The following ZP2 variants were observed in gnomAD, a reference collection of about 807,000 sequenced individuals.
ZP2 encodes zona pellucida glycoprotein 2.
Under a neutral mutation model 84.0 loss-of-function variants are expected in ZP2, and 51 were observed. The ratio of observed to expected loss-of-function variants is 0.61; its 90% confidence interval spans 0.49 to 0.77. The LOEUF is 0.77. Among genes scored for constraint, ZP2 ranks in the 30% least tolerant of loss-of-function variants. The pLI, the probability that ZP2 is intolerant of heterozygous loss-of-function variation, is 0.00. For missense variants in ZP2, 909 were observed against 911.9 expected (o/e 1.00, Z 0.04); for synonymous variants, 375 against 330.9 (o/e 1.13, Z -1.45).
At chr16:21,210,415 A>G (rs562941195) in intron 2 of ZP2, among the ~76,000 whole-genome samples, 32 of 152,160 alleles carry the variant, frequency 2.1e-4, no homozygotes, top group Non-Finnish European at 3.4e-4. Flanking sequence ...TGTTCCAGTA[A>G]GAAGCCCAGG....
In ZP2 at chr16:21,211,351, C is replaced by A. The variant is rs2075520; in HGVS notation, c.107G>T (p.Gly36Val). 495,467 of 1,613,558 alleles carry A rather than the reference C, an allele frequency of 0.31. 82,393 individuals carry two copies. Among genetic ancestry groups the A allele is most frequent in the African/African-American group, 0.61 (46,019 of 74,902 alleles). ...ISLFFALVTS[G>V]NSIDVSQLVN... ...CAACTGAGAAACATCTATGGAGTTC[C>A]CTGAAGTCACAAGGGCGAAGAAGAG... The change falls in exon 2 of 19, where the codon GGG (glycine) becomes GTG (valine). Residue 36 changes from glycine (G) to valine (V), a missense_variant. Physicochemically the swap from Gly to Val is moderately radical, Grantham distance 109. Coordinates refer to ENST00000574091, the MANE Select transcript of ZP2 (RefSeq NM_001376232.1).
Position 21,203,131 on chromosome 16 carries a change from A to T in ZP2, c.1093T>A (p.Ser365Thr), listed in dbSNP as rs776120114. The change falls in exon 10 of 19, where the codon TCT becomes ACT. Residue 365 changes from serine (S) to threonine (T), a missense_variant. Physicochemically the swap from Ser to Thr is moderately conservative, Grantham distance 58 (BLOSUM62 1). Coordinates refer to ENST00000574091, the MANE Select transcript of ZP2 (RefSeq NM_001376232.1). ...YPECLCESPV[S>T]IVTGELCTQD... ...TTTAATAAAAGGTCTTTACCTATAG[A>T]AACGGGTGACTCACAGAGACACTCA... 3 of 1,613,510 alleles carry T rather than the reference A, an allele frequency of 1.9e-6. No individual in the cohort carries two copies. The highest frequency in any genetic ancestry group is 2.5e-6 in the Non-Finnish European group (3 of 1,179,766).
intron 17 of ZP2, among the ~76,000 whole-genome samples, chr16:21,198,275 A>T (rs1036246412): frequency 6.6e-6 from 1 of 152,004 alleles, no homozygotes; most frequent in Non-Finnish European, 1.5e-5. Flanking sequence ...GGTGCCTGTA[A>T]TCCCTGATAC....
chr16:21,203,170 T>A lies in ZP2; in HGVS notation c.1054A>T (p.Met352Leu). 6.2e-7 allele frequency: 1 copy of A among 1,613,988 alleles called. No individual in the cohort carries two copies. Residue 352 changes from methionine to leucine, a missense_variant, in exon 10 of 19, where the codon ATG becomes TTG. Coordinates refer to ENST00000574091, the MANE Select transcript of ZP2 (RefSeq NM_001376232.1). The part of the protein sequence containing the change: ...TFLLRPETVS[M>L]VIYPECLCES... ...CAGAGACACTCAGGATAGATCACCA[T>A]GGATACTGTCTCTGGCCGAAGGAGA...
In ZP2 at chr16:21,201,781, T is replaced by TG. The variant is rs1231847504; in HGVS notation, c.1428dup (p.Asn477GlnfsTer3). ...ACTGGAGGAGTAAGGCTTTCAACGT[T>TG]GATGTTTAGTAGCATGTCATTCCTG... On this transcript the variant is annotated frameshift_variant, in exon 13 of 19. Transcript: ENST00000574091. LOFTEE classifies it high-confidence loss of function. 1 of 1,614,058 alleles carries TG rather than the reference T, an allele frequency of 6.2e-7. No individual in the cohort carries two copies. Among genetic ancestry groups the TG allele is most frequent in the African/African-American group, 1.3e-5 (1 of 74,914 alleles).
intron 5 of ZP2, 52 bp downstream of exon 5, chr16:21,206,786 T>C: frequency 6.2e-7 from 1 of 1,609,564 alleles, no homozygotes; most frequent in Middle Eastern, 1.7e-4. Context: ...ATCATCATCA[T>C]ATTCCCCCTG....
intron 14 of ZP2, 28 bp from the exon 15 acceptor site, chr16:21,199,906 T>G: frequency 1.2e-6 from 2 of 1,611,528 alleles, no homozygotes; most frequent in Non-Finnish European, 1.7e-6. Context: ...GGGAGGGATG[T>G]CAGTCATATG....
chr16:21,197,727 A>G (rs760262640), intron 18 of ZP2, 39 bp downstream of exon 18: 1 of 1,613,534 alleles, frequency 6.2e-7, no homozygotes. Flanking sequence ...AGCCTTCAAC[A>G]GGCTTATTTC....
chr16:21,209,723 G>A lies in ZP2; in HGVS notation c.238C>T (p.Pro80Ser). 1 of 1,614,082 alleles carries A rather than the reference G, an allele frequency of 6.2e-7. No homozygotes were observed. The highest frequency in any genetic ancestry group is 8.5e-7 in the Non-Finnish European group (1 of 1,179,976). The change falls in exon 4 of 19, where the codon CCT (proline) becomes TCT (serine). Residue 80 changes from proline (P) to serine (S), a missense_variant and splice_region_variant. Physicochemically the swap from Pro to Ser is moderately conservative, Grantham distance 74. Coordinates refer to ENST00000574091, the MANE Select transcript of ZP2 (RefSeq NM_001376232.1). ...TKKWHASVVD[P>S]LGLDMPNCTY... ...CAGTTCGGCATGTCGAGACCAAGAG[G>A]ATCTGCCAAGGCCAGAGCAGGTTAG... is the stretch of plus-strand genomic sequence containing the variant.
chr16:21,210,796 A>G (rs1269176543), intron 2 of ZP2, among the ~76,000 whole-genome samples: 1 of 151,818 alleles, frequency 6.6e-6, no homozygotes, highest in Non-Finnish European at 1.5e-5. Flanking sequence ...GCTGGTCTCA[A>G]ACTCCTGAGC....
upstream of ZP2, among the ~76,000 whole-genome samples, chr16:21,213,959 G>C (rs1467566126): frequency 2.0e-5 from 3 of 151,892 alleles, no homozygotes; most frequent in Admixed American, 1.3e-4. Context: ...GGTGGTCAGA[G>C]AAGTGATGGG....
rs2093226687 is a variant in ZP2 at position 21,201,795 on chromosome 16, A to G, written c.1415T>C (p.Met472Thr). ...GCTTTCAACGTTGATGTTTAGTAGC[A>G]TGTCATTCCTGCTATAAGAACACTT... is the stretch of plus-strand genomic sequence containing the variant. ...TVKCSYSRNDMLLNINVESLT... is the reference protein window; with the variant it reads ...TVKCSYSRNDTLLNINVESLT... Residue 472 changes from methionine (M) to threonine (T), a missense_variant, in exon 13 of 19, where the codon ATG becomes ACG. Coordinates refer to ENST00000574091, the MANE Select transcript of ZP2 (RefSeq NM_001376232.1). The G allele has an allele frequency of 3.1e-6, 5 of 1,614,148 alleles. No homozygotes were observed. Among genetic ancestry groups the G allele is most frequent in the Non-Finnish European group, 4.2e-6 (5 of 1,180,016 alleles).
intron 9 of ZP2, among the ~76,000 whole-genome samples, 174 bp from the exon 10 acceptor site, chr16:21,203,425 C>T (rs937468160): frequency 6.6e-6 from 1 of 152,064 alleles, no homozygotes; most frequent in Admixed American, 6.6e-5. Flanking sequence ...GGATGTATCC[C>T]CAGGCAGATT....
intron 3 of ZP2, 35 bp downstream of exon 3, chr16:21,210,074 A>C (rs777187556): frequency 3.1e-5 from 50 of 1,589,580 alleles, no homozygotes; most frequent in Non-Finnish European, 4.3e-5. Context: ...CTGTCTGCTA[A>C]TCAGGACTAT....
At position 21,201,383 on chromosome 16, in the gene ZP2, G is replaced by C. The variant is rs367625701; in HGVS notation, c.1680C>G (p.Asn560Lys). Reference sequence around the variant, plus strand: ...GGAGTACCTACCCATCCACGACAACGTTCCACTGGGGGAAAGAGTCTGGAT... The same window carrying C: ...GGAGTACCTACCCATCCACGACAACCTTCCACTGGGGGAAAGAGTCTGGAT... ...TMDPDSFPQW[N>K]VVVDGCAYDL... Residue 560 changes from asparagine to lysine, a missense_variant, in exon 14 of 19, where the codon AAC becomes AAG. Asn to Lys is a moderately conservative substitution (Grantham distance 94, BLOSUM62 0). Transcript: ENST00000574091. 5 of 1,580,594 alleles carry C rather than the reference G, an allele frequency of 3.2e-6. No homozygotes were observed. In the East Asian group the frequency reaches 1.1e-4, roughly 36 times the overall value.
At chr16:21,201,242 G>T in intron 14 of ZP2, 127 bp downstream of exon 14, 1 of 789,290 alleles carries the variant, frequency 1.3e-6, no homozygotes, top group Non-Finnish European at 1.8e-6. Flanking sequence ...GTCCCAATTA[G>T]AAAACAAGGA....
At chr16:21,204,001 G>A (rs1171183141) in intron 9 of ZP2, 29 bp downstream of exon 9, 2 of 1,607,594 alleles carry the variant, frequency 1.2e-6, no homozygotes, top group South Asian at 2.2e-5. Context: ...AGGACCCGGT[G>A]GAGTTCAGTG....
chr16:21,205,320 T>A, intron 7 of ZP2, 100 bp downstream of exon 7: 1 of 1,406,852 alleles, frequency 7.1e-7, no homozygotes, highest in Non-Finnish European at 9.8e-7. Context: ...TTAAAATGGG[T>A]TGTATTATAA....
At chr16:21,211,686 A>C (rs1339593300), upstream of ZP2, 1 of 1,555,776 alleles carries the variant, frequency 6.4e-7, no homozygotes, top group Non-Finnish European at 8.7e-7. Context: ...AAACGGAAGG[A>C]TTGGGGAAGG....
Sources: allele counts gnomAD v4.1 joint callset (sites outside exome capture counted in the v4.1 genomes callset), GRCh38; gene constraint gnomAD v4.1.1; transcripts MANE v1.5; gene names NCBI Gene and HGNC (gene_info 2026-07-23, HGNC 2026-07-21).